The following QTMAN variants were observed in gnomAD, a reference collection of about 807,000 sequenced individuals.
QTMAN encodes queuosine-tRNA mannosyltransferase, also known as tRNA-queuosine alpha-mannosyltransferase.
chr2:144,255,361 T>C, the QTMAN span, among the ~76,000 whole-genome samples: 1 of 152,274 alleles, frequency 6.6e-6, no homozygotes, highest in Admixed American at 6.5e-5. Flanking sequence ...GATGGTTTTA[T>C]AAGGAGCTTT....
At chr2:144,104,886 C>T in the QTMAN span, among the ~76,000 whole-genome samples, 1 of 152,190 alleles carries the variant, frequency 6.6e-6, no homozygotes, top group Admixed American at 6.5e-5. Flanking sequence ...CCTCACATGG[C>T]CAGGTAACCC....
At chr2:143,998,154 T>C in the QTMAN span, among the ~76,000 whole-genome samples, 1 of 152,042 alleles carries the variant, frequency 6.6e-6, no homozygotes, top group African/African-American at 2.4e-5. Context: ...TAACTACATG[T>C]AACCATAATT....
the QTMAN span, among the ~76,000 whole-genome samples, chr2:144,245,259 T>G: frequency 6.6e-6 from 1 of 152,250 alleles, no homozygotes; most frequent in Admixed American, 6.5e-5. Context: ...ATATGTCATA[T>G]GGTACATCTT....
At chr2:143,959,586 G>A in the QTMAN span, among the ~76,000 whole-genome samples, 1 of 152,080 alleles carries the variant, frequency 6.6e-6, no homozygotes, top group Non-Finnish European at 1.5e-5. Context: ...TTTATGGTAT[G>A]TCAAATACAT....
the QTMAN span, among the ~76,000 whole-genome samples, chr2:144,197,045 A>G: frequency 6.6e-6 from 1 of 152,154 alleles, no homozygotes; most frequent in Non-Finnish European, 1.5e-5. Context: ...GTACTTACCC[A>G]AATCTAGACA....
chr2:144,316,669 A>T, the QTMAN span, among the ~76,000 whole-genome samples: 1 of 152,188 alleles, frequency 6.6e-6, no homozygotes, highest in East Asian at 1.9e-4. Context: ...GTCCAGATAC[A>T]ATATTCGCAA....
the QTMAN span, among the ~76,000 whole-genome samples, chr2:144,284,222 T>A: frequency 3.3e-5 from 5 of 152,140 alleles, no homozygotes; most frequent in African/African-American, 9.6e-5. Flanking sequence ...CACATACTTT[T>A]ATCCAGTAAT....
the QTMAN span, among the ~76,000 whole-genome samples, chr2:144,011,337 A>C: frequency 6.6e-6 from 1 of 152,084 alleles, no homozygotes; most frequent in Non-Finnish European, 1.5e-5. Context: ...AACCAACCAC[A>C]TCCACCATCC....
the QTMAN span, among the ~76,000 whole-genome samples, chr2:144,290,881 G>A: frequency 2.0e-5 from 3 of 152,072 alleles, no homozygotes; most frequent in African/African-American, 7.3e-5. Flanking sequence ...TAATTTCCTA[G>A]GGCTGCTATA....
chr2:144,277,979 C>A, the QTMAN span, among the ~76,000 whole-genome samples: 2 of 152,196 alleles, frequency 1.3e-5, no homozygotes, highest in African/African-American at 4.8e-5. Context: ...CCTAGGAAGC[C>A]AAAGGGAGAA....
At chr2:144,274,689 T>A in the QTMAN span, among the ~76,000 whole-genome samples, 1 of 152,182 alleles carries the variant, frequency 6.6e-6, no homozygotes, top group African/African-American at 2.4e-5. Context: ...GTCCTATGCA[T>A]CTCTTTCCTC....
chr2:144,145,824 C>T, the QTMAN span: 1 of 1,123,432 alleles, frequency 8.9e-7, no homozygotes. Context: ...TTCCTCTTCC[C>T]ACCCCAAGAA....
At chr2:144,094,911 G>A in the QTMAN span, among the ~76,000 whole-genome samples, 1 of 152,200 alleles carries the variant, frequency 6.6e-6, no homozygotes, top group Non-Finnish European at 1.5e-5. Context: ...TAATATTTTG[G>A]TGGAAATTTT....
At chr2:144,255,246 T>A in the QTMAN span, among the ~76,000 whole-genome samples, 22 of 152,276 alleles carry the variant, frequency 1.4e-4, no homozygotes, top group African/African-American at 5.1e-4. Flanking sequence ...GTAGTTCTCA[T>A]TATCCCTATG....
the QTMAN span, among the ~76,000 whole-genome samples, chr2:144,145,372 G>A: frequency 6.6e-6 from 1 of 151,754 alleles, no homozygotes; most frequent in African/African-American, 2.4e-5. Flanking sequence ...TAATTAGATT[G>A]TTACATATAT....
chr2:144,183,190 A>G, the QTMAN span, among the ~76,000 whole-genome samples: 2 of 151,742 alleles, frequency 1.3e-5, no homozygotes, highest in Non-Finnish European at 2.9e-5. Context: ...GTTGGGTTTC[A>G]GGTGAGCAGA....
the QTMAN span, among the ~76,000 whole-genome samples, chr2:144,155,504 CA>C: frequency 6.6e-6 from 1 of 152,130 alleles, no homozygotes; most frequent in Non-Finnish European, 1.5e-5. Context: ...TTAAAAGCAG[CA>C]TATCATTTTA....
At chr2:144,239,460 C>T in the QTMAN span, among the ~76,000 whole-genome samples, 6 of 152,106 alleles carry the variant, frequency 3.9e-5, no homozygotes, top group Non-Finnish European at 5.9e-5. Flanking sequence ...CATCTGTCAT[C>T]TCACTAACCA....
At chr2:143,969,354 CA>C in the QTMAN span, among the ~76,000 whole-genome samples, 46 of 151,366 alleles carry the variant, frequency 3.0e-4, no homozygotes, top group African/African-American at 9.0e-4. Flanking sequence ...GTTCCCTTCT[CA>C]AAAAAAAATT....
Sources: allele counts gnomAD v4.1 joint callset (sites outside exome capture counted in the v4.1 genomes callset), GRCh38; gene constraint gnomAD v4.1.1; transcripts MANE v1.5; gene names NCBI Gene and HGNC (gene_info 2026-07-23, HGNC 2026-07-21).